LAMTOR2: variants seen among roughly 807,000 people sequenced by gnomAD.
The protein encoded by LAMTOR2 is late endosomal/lysosomal adaptor, MAPK and MTOR activator 2, also known as ragulator complex protein LAMTOR2.
In LAMTOR2, 4 loss-of-function variants were observed where a neutral mutation model predicts 15.8. The observed-to-expected ratio is 0.25, with a 90% CI of 0.12 to 0.58. The LOEUF is 0.58. Among genes scored for constraint, LAMTOR2 ranks in the 20% least tolerant of loss-of-function variants. LAMTOR2 has a pLI of 0.91. For missense variants in LAMTOR2, 100 were observed against 161.0 expected (o/e 0.62, Z 2.05); for synonymous variants, 62 against 64.1 (o/e 0.97, Z 0.15).
chr1:156,057,193 A>AG (rs896710882), intron 2 of LAMTOR2, among the ~76,000 whole-genome samples: 2 of 151,530 alleles, frequency 1.3e-5, no homozygotes, highest in East Asian at 1.9e-4. Flanking sequence ...AAAAAAAAAA[A>AG]AAAGAAATAC....
rs980020409 is a variant in LAMTOR2, at chr1:156,058,122, C to T, written c.321+55C>T. 2.6e-6 allele frequency: 4 copies of T among 1,554,484 alleles called. No individual in the cohort carries two copies. In the African/African-American group the frequency reaches 5.4e-5, roughly 21 times the overall value. On this transcript the variant is annotated intron_variant, in intron 3 of 3. Coordinates refer to ENST00000368305, the MANE Select transcript of LAMTOR2 (RefSeq NM_014017.4). The stretch of plus-strand genomic sequence containing the variant: ...TGGGCCCAGCCTTCGTGCTTCTACA[C>T]TGTGTTCACTCCCACCAGGACCCTG...
chr1:156,055,317 C>T lies in LAMTOR2; in HGVS notation c.123C>T (p.Asp41=). 1.9e-6 allele frequency: 3 copies of T among 1,614,210 alleles called. No individual in the cohort carries two copies. The highest frequency in any genetic ancestry group is 8.5e-7 in the Non-Finnish European group (1 of 1,180,032). ...CCTACTCTGGTTACGGGGACACTGA[C>T]GCCCGGGTCACCGCTGCCATAGCCA... ...LLAYSGYGDT[D]ARVTAAIASN... is the part of the protein sequence containing the mutation. The change falls in exon 2 of 4, where the codon GAC becomes GAT. Residue 41 remains aspartate, a synonymous_variant. Coordinates refer to ENST00000368305, the MANE Select transcript of LAMTOR2 (RefSeq NM_014017.4). The surrounding 1 kb of genome is among the most constrained non-coding windows in gnomAD (Gnocchi z 4.8).
At chr1:156,058,210 G>C in intron 3 of LAMTOR2, 105 bp from the exon 4 acceptor site, 1 of 1,524,150 alleles carries the variant, frequency 6.6e-7, no homozygotes, top group South Asian at 1.1e-5. Flanking sequence ...AAGAGCAGGT[G>C]GGGGTTGGGG....
In LAMTOR2 at chr1:156,055,962, C is replaced by A; in HGVS notation, c.231+537C>A. On this transcript the variant is annotated intron_variant, in intron 2 of 3. Transcript: ENST00000368305. This position sits in a 1 kb window ranked among gnomAD's most constrained non-coding sequence, Gnocchi z 4.8. ...GATTGTGAACTTCTTAGTATCTGTT[C>A]GGTCGACAAGTATTTAGGTCCTTGC... 5.9e-6 allele frequency: 1 copy of A among 170,388 alleles called. No individual in the cohort carries two copies. The highest frequency in any genetic ancestry group is 1.3e-5 in the Non-Finnish European group (1 of 76,890). The allele number at this position is 170,388 out of a possible 1,614,324, so 10.6% of individuals were successfully genotyped here.
rs552741770 is a variant in LAMTOR2, at chr1:156,055,038, T to A, written c.68+81T>A. On this transcript the variant is annotated intron_variant, in intron 1 of 3. Transcript: ENST00000368305. This position sits in a 1 kb window ranked among gnomAD's most constrained non-coding sequence, Gnocchi z 4.8. The stretch of plus-strand genomic sequence containing the variant: ...TCCCTGAGGGAGGGGTGGGGAAGGA[T>A]CACCAGGAAGGGAGGAAGCGGCAGA... 6.7e-7 allele frequency: 1 copy of A among 1,498,466 alleles called. No homozygotes were observed. Among genetic ancestry groups the A allele is most frequent in the Non-Finnish European group, 9.2e-7 (1 of 1,085,948 alleles). 92.8% of individuals were successfully genotyped at this position (1,498,466 alleles called of 1,614,324 possible).
At chr1:156,058,276 A>C in intron 3 of LAMTOR2, 39 bp from the exon 4 acceptor site, 1 of 1,613,778 alleles carries the variant, frequency 6.2e-7, no homozygotes, top group Non-Finnish European at 8.5e-7. Context: ...CCCTAATGCC[A>C]GGCTGTGTGC....
chr1:156,057,193 AAAAG>A (rs1303731863), intron 2 of LAMTOR2, among the ~76,000 whole-genome samples: 3 of 151,412 alleles, frequency 2.0e-5, no homozygotes, highest in Admixed American at 1.3e-4. Context: ...AAAAAAAAAA[AAAAG>A]AAATACATTT....
chr1:156,058,001 A>G lies in LAMTOR2; in HGVS notation c.255A>G (p.Arg85=). The G allele has an allele frequency of 1.2e-6, 2 of 1,614,108 alleles. No homozygotes were observed. Among genetic ancestry groups the G allele is most frequent in the Non-Finnish European group, 1.7e-6 (2 of 1,180,002 alleles). Residue 85 remains arginine, a synonymous_variant, in exon 3 of 4, where the codon CGA becomes CGG. Coordinates refer to ENST00000368305, the MANE Select transcript of LAMTOR2 (RefSeq NM_014017.4). ...AGGAGGGCCGTGTAGCCATCACCCG[A>G]GTGGCCAACCTTCTGCTGTGTATGT... ...DCMEGRVAIT[R]VANLLLCMYA... is the part of the protein sequence containing the mutation.
rs771557669 is a variant in LAMTOR2, at chr1:156,055,231, G to A, written c.69-32G>A. 1 of 1,612,326 alleles carries A rather than the reference G, an allele frequency of 6.2e-7. No homozygotes were observed. Among genetic ancestry groups the A allele is most frequent in the Non-Finnish European group, 8.5e-7 (1 of 1,179,846 alleles). Reference sequence around the variant, plus strand: ...CCAGACGTTTTACTCCCCGCTCTGAGCACATCGCTATCCCTCCCCGCCCCT... The same window carrying A: ...CCAGACGTTTTACTCCCCGCTCTGAACACATCGCTATCCCTCCCCGCCCCT... On this transcript the variant is annotated intron_variant, in intron 1 of 3. Coordinates refer to ENST00000368305, the MANE Select transcript of LAMTOR2 (RefSeq NM_014017.4). The surrounding 1 kb of genome is among the most constrained non-coding windows in gnomAD (Gnocchi z 4.8).
intron 2 of LAMTOR2, among the ~76,000 whole-genome samples, chr1:156,057,059 T>C (rs1464946596): frequency 6.7e-6 from 1 of 148,828 alleles, no homozygotes; most frequent in African/African-American, 2.5e-5. Flanking sequence ...GTGCCTGTAA[T>C]CCCAGCCACT....
chr1:156,057,993 A>G lies in LAMTOR2; in HGVS notation c.247A>G (p.Ile83Val). ...LMDCMEGRVA[I>V]TRVANLLLCM... ...CCCCCACCAGGAGGGCCGTGTAGCCATCACCCGAGTGGCCAACCTTCTGCT... is the reference window on the plus strand; with the variant it reads ...CCCCCACCAGGAGGGCCGTGTAGCCGTCACCCGAGTGGCCAACCTTCTGCT... Residue 83 changes from isoleucine (I) to valine (V), a missense_variant, in exon 3 of 4, where the codon ATC (isoleucine) becomes GTC (valine). Transcript: ENST00000368305. The G allele has an allele frequency of 6.2e-7, 1 of 1,614,148 alleles. No homozygotes were observed. Among genetic ancestry groups the G allele is most frequent in the Non-Finnish European group, 8.5e-7 (1 of 1,180,010 alleles).
chr1:156,057,235 G>A (rs2102765149), intron 2 of LAMTOR2, among the ~76,000 whole-genome samples: 1 of 151,174 alleles, frequency 6.6e-6, no homozygotes, highest in Non-Finnish European at 1.5e-5. Context: ...CCTCACTCCT[G>A]TAATCCCAAC....
Position 156,055,276 on chromosome 1 carries a change from G to C in LAMTOR2, c.82G>C (p.Glu28Gln). 1 of 1,614,056 alleles carries C rather than the reference G, an allele frequency of 6.2e-7. No individual in the cohort carries two copies. The highest frequency in any genetic ancestry group is 8.5e-7 in the Non-Finnish European group (1 of 1,180,020). ...GVQSTLLLNN[E>Q]GSLLAYSGYG... ...GCCCCTCACCAGGCTGCTGAATAAC[G>C]AGGGATCACTGCTGGCCTACTCTGG... The change falls in exon 2 of 4, where the codon GAG becomes CAG. Residue 28 changes from glutamate (E) to glutamine (Q), a missense_variant. By Grantham distance (29) the Glu-to-Gln change is conservative (BLOSUM62 2). Transcript: ENST00000368305. The surrounding 1 kb of genome is among the most constrained non-coding windows in gnomAD (Gnocchi z 4.8).
intron 2 of LAMTOR2, among the ~76,000 whole-genome samples, chr1:156,056,372 A>C (rs1369376419): frequency 6.6e-6 from 1 of 152,204 alleles, no homozygotes. Flanking sequence ...GAAAGCAGGG[A>C]AGTGAAAGAG....
chr1:156,054,833 C>G lies in LAMTOR2; in HGVS notation c.-57C>G, dbSNP rs1337097355. ...ACTACGGGAAGCAGCGGGCAGCGGC[C>G]CGCGGGAGGCACCTCGGAGATCTGG... On this transcript the variant is annotated 5_prime_UTR_variant, in exon 1 of 4. Transcript: ENST00000368305. The G allele has an allele frequency of 6.4e-7, 1 of 1,573,088 alleles. No homozygotes were observed. Among genetic ancestry groups the G allele is most frequent in the Non-Finnish European group, 8.7e-7 (1 of 1,147,964 alleles).
chr1:156,056,711 A>G (rs1444392056), intron 2 of LAMTOR2, among the ~76,000 whole-genome samples: 1 of 152,158 alleles, frequency 6.6e-6, no homozygotes, highest in African/African-American at 2.4e-5. Context: ...CAAATTGGCC[A>G]GAAGGTGAAC....
rs1323427232 is a variant in LAMTOR2 at position 156,057,968 on chromosome 1, C to T, written c.232-10C>T. 2 of 1,613,452 alleles carry T rather than the reference C, an allele frequency of 1.2e-6. No individual in the cohort carries two copies. The highest frequency in any genetic ancestry group is 1.7e-6 in the Non-Finnish European group (2 of 1,179,510). On this transcript the variant is annotated splice_polypyrimidine_tract_variant and intron_variant, in intron 2 of 3. Coordinates refer to ENST00000368305, the MANE Select transcript of LAMTOR2 (RefSeq NM_014017.4). ...CAGAACATCACATCCCATCATATCA[C>T]CCCCACCAGGAGGGCCGTGTAGCCA...
At chr1:156,057,760 A>G (rs980205003) in intron 2 of LAMTOR2, among the ~76,000 whole-genome samples, 2 of 152,198 alleles carry the variant, frequency 1.3e-5, no homozygotes, top group African/African-American at 2.4e-5. Flanking sequence ...TAAGTTTCCC[A>G]GAGTAACATG....
intron 2 of LAMTOR2, among the ~76,000 whole-genome samples, chr1:156,056,540 G>A (rs1183565963): frequency 6.6e-6 from 1 of 152,160 alleles, no homozygotes; most frequent in Non-Finnish European, 1.5e-5. Context: ...GCAGAATTAT[G>A]CCTGCTCAAG....
Sources: gnomAD v4.1 joint callset for allele counts (sites outside exome capture counted in the v4.1 genomes callset) on GRCh38, gnomAD v4.1.1 for gene constraint, Gnocchi (gnomAD v3.1) non-coding constraint, MANE v1.5 for transcripts, NCBI Gene and HGNC (gene_info 2026-07-23, HGNC 2026-07-21) for gene names.